The following POU2F1 variants were observed in gnomAD, a reference collection of about 807,000 sequenced individuals.
The protein encoded by POU2F1 is POU domain, class 2, transcription factor 1.
In POU2F1, 16 loss-of-function variants were observed where a neutral mutation model predicts 84.9. The observed-to-expected ratio is 0.19, with a 90% CI of 0.13 to 0.29. The LOEUF is 0.29. Ranked by LOEUF, POU2F1 falls within the 10% of genes least tolerant of loss-of-function variation. The pLI, the probability that POU2F1 is intolerant of heterozygous loss-of-function variation, is 1.00. For synonymous variants in POU2F1, 368 were observed against 368.3 expected (o/e 1.00, Z 0.01); for missense variants, 738 against 942.6 (o/e 0.78, Z 2.84).
intron 1 of POU2F1, among the ~76,000 whole-genome samples, chr1:167,271,740 T>C (rs970040285): frequency 7.2e-5 from 11 of 152,180 alleles, no homozygotes; most frequent in African/African-American, 2.7e-4. Flanking sequence ...AAGAGAATAT[T>C]TTTATAGACA....
At chr1:167,400,829 A>G (rs940030628) in intron 12 of POU2F1, among the ~76,000 whole-genome samples, 1 of 152,240 alleles carries the variant, frequency 6.6e-6, no homozygotes, top group Admixed American at 6.5e-5. Context: ...GGTCAGCATT[A>G]AAAGCACATG....
chr1:167,224,855 G>A (rs111621330), intron 1 of POU2F1, among the ~76,000 whole-genome samples: 3 of 136,580 alleles, frequency 2.2e-5, no homozygotes, highest in African/African-American at 8.3e-5. Context: ...TCCAGACAGA[G>A]TCTTGCTCTG....
intron 2 of POU2F1, among the ~76,000 whole-genome samples, chr1:167,355,688 A>G (rs1249829710): frequency 1.3e-5 from 2 of 151,616 alleles, no homozygotes; most frequent in African/African-American, 4.8e-5. Flanking sequence ...TTTAATTACT[A>G]TTTTTTTTCA....
intron 2 of POU2F1, among the ~76,000 whole-genome samples, chr1:167,352,353 A>G (rs1658636633): frequency 6.6e-6 from 1 of 152,210 alleles, no homozygotes; most frequent in Non-Finnish European, 1.5e-5. Context: ...GCTAGCTGTG[A>G]GATAGATAGC....
At chr1:167,401,067 A>T (rs984647664) in intron 12 of POU2F1, among the ~76,000 whole-genome samples, 1 of 152,178 alleles carries the variant, frequency 6.6e-6, no homozygotes, top group Non-Finnish European at 1.5e-5. Context: ...TTATTTTCAT[A>T]ATTTTATTTT....
intron 10 of POU2F1, among the ~76,000 whole-genome samples, chr1:167,397,644 C>G (rs1357297278): frequency 6.6e-6 from 1 of 152,178 alleles, no homozygotes; most frequent in African/African-American, 2.4e-5. Context: ...CTCCCAGGTT[C>G]AAGTGATTCT....
intron 2 of POU2F1, among the ~76,000 whole-genome samples, chr1:167,352,029 TTTA>T (rs1658620158): frequency 6.6e-6 from 1 of 152,206 alleles, no homozygotes. Context: ...GTGTGTCTCT[TTTA>T]AGAGACTGGA....
intron 11 of POU2F1, among the ~76,000 whole-genome samples, chr1:167,398,866 A>G (rs1648996481): frequency 6.6e-6 from 1 of 152,222 alleles, no homozygotes; most frequent in Admixed American, 6.5e-5. Context: ...ATTAGATAGC[A>G]TGAAGCATGG....
intron 2 of POU2F1, among the ~76,000 whole-genome samples, chr1:167,333,673 G>T (rs71523122): frequency 0.012 from 1,839 of 152,234 alleles, 14 homozygotes; most frequent in South Asian, 0.026. Context: ...CACCCCTGTT[G>T]TATTTAACAC....
In POU2F1 at chr1:167,389,610, T is replaced by C. The variant is rs1280202361; in HGVS notation, c.836T>C (p.Ile279Thr). The C allele has an allele frequency of 6.2e-7, 1 of 1,614,096 alleles. No individual in the cohort carries two copies. The highest frequency in any genetic ancestry group is 8.5e-7 in the Non-Finnish European group (1 of 1,180,002). The change falls in exon 9 of 16, where the codon ATA (isoleucine) becomes ACA (threonine). Residue 279 changes from isoleucine to threonine, a missense_variant. Around this residue, in one of 4 missense-constraint regions of POU2F1, gnomAD observed 163 missense variants for 214.4 expected, o/e 0.76. Coordinates refer to ENST00000367866, the MANE Select transcript of POU2F1 (RefSeq NM_002697.4). The part of the protein sequence containing the change: ...TSQPATPTRT[I>T]AATPIQTLPQ... Reference sequence around the variant, plus strand: ...CAGCCAGCAACCCCAACACGCACAATAGCAGCAACCCCAATTCAGACACTT... The same window carrying C: ...CAGCCAGCAACCCCAACACGCACAACAGCAGCAACCCCAATTCAGACACTT...
At chr1:167,295,969 A>G (rs1654263934) in intron 1 of POU2F1, among the ~76,000 whole-genome samples, 1 of 152,194 alleles carries the variant, frequency 6.6e-6, no homozygotes, top group Non-Finnish European at 1.5e-5. Context: ...TAACTGCTTT[A>G]ATATGTAAAA....
chr1:167,225,395 T>C (rs760377497), intron 1 of POU2F1, among the ~76,000 whole-genome samples: 2 of 152,210 alleles, frequency 1.3e-5, no homozygotes, highest in Non-Finnish European at 2.9e-5. Context: ...AGGTGTAGTG[T>C]TCTGCCATAT....
chr1:167,356,360 A>G lies in POU2F1; in HGVS notation c.128-9107A>G, dbSNP rs187609799. ...CATCCTCATTAAACTCTCTTATTCT[A>G]ATAATAAATTATTAGATTCCTTAGA... On this transcript the variant is annotated intron_variant, in intron 2 of 15. Coordinates refer to ENST00000367866, the MANE Select transcript of POU2F1 (RefSeq NM_002697.4). Among the ~76,000 whole-genome samples, 22 of 151,848 alleles carry G rather than the reference A, an allele frequency of 1.4e-4. No individual in the cohort carries two copies. In the East Asian group the frequency reaches 4.1e-3, roughly 28 times the overall value.
chr1:167,349,074 T>A (rs1179471276), intron 2 of POU2F1, among the ~76,000 whole-genome samples: 1 of 152,160 alleles, frequency 6.6e-6, no homozygotes, highest in Admixed American at 6.5e-5. Context: ...TAACAGGGTA[T>A]TTAAAATTGT....
chr1:167,315,685 TC>T (rs1655841291), intron 1 of POU2F1, among the ~76,000 whole-genome samples: 1 of 151,998 alleles, frequency 6.6e-6, no homozygotes, highest in Non-Finnish European at 1.5e-5. Context: ...ATGCTGGTAG[TC>T]CCAGCTACTT....
chr1:167,226,772 TCA>T (rs1469834042), intron 1 of POU2F1, among the ~76,000 whole-genome samples: 1 of 152,218 alleles, frequency 6.6e-6, no homozygotes, highest in Admixed American at 6.5e-5. Context: ...CTTTGTATAC[TCA>T]GTGACTAATA....
intron 1 of POU2F1, among the ~76,000 whole-genome samples, chr1:167,276,464 G>C (rs1652735961): frequency 6.6e-6 from 1 of 151,964 alleles, no homozygotes. Flanking sequence ...ATATATATAG[G>C]AAAAACATAG....
intron 1 of POU2F1, among the ~76,000 whole-genome samples, chr1:167,310,183 T>G (rs1232802296): frequency 6.6e-6 from 1 of 152,028 alleles, no homozygotes; most frequent in Non-Finnish European, 1.5e-5. Context: ...CCTGGACTGT[T>G]AGAGAGGGGA....
intron 2 of POU2F1, among the ~76,000 whole-genome samples, chr1:167,357,002 C>G (rs1302447638): frequency 6.6e-6 from 1 of 152,136 alleles, no homozygotes; most frequent in Non-Finnish European, 1.5e-5. Flanking sequence ...TGCACATGCT[C>G]AAGAAATTAC....
Sources: allele counts gnomAD v4.1 joint callset (sites outside exome capture counted in the v4.1 genomes callset), GRCh38; gene constraint gnomAD v4.1.1; regional missense constraint gnomAD v4.1.1; transcripts MANE v1.5; gene names NCBI Gene and HGNC (gene_info 2026-07-23, HGNC 2026-07-21).